LYPD6B: variants seen among roughly 807,000 people sequenced by gnomAD.
LYPD6B encodes ly6/PLAUR domain-containing protein 6B.
LYPD6B carries 17 observed loss-of-function variants against 22.8 expected under a neutral mutation model. That is an observed-to-expected ratio of 0.75 (90% CI 0.51 to 1.12). LYPD6B has a LOEUF of 1.12. Among genes scored for constraint, LYPD6B ranks in the 50% most tolerant of loss-of-function variants. LYPD6B has a pLI of 0.00. For synonymous variants in LYPD6B, 106 were observed against 91.6 expected (o/e 1.16, Z -0.90); for missense variants, 221 against 258.3 (o/e 0.86, Z 0.99).
intron 1 of LYPD6B, among the ~76,000 whole-genome samples, chr2:149,125,437 G>A (rs1687645145): frequency 6.6e-6 from 1 of 152,156 alleles, no homozygotes; most frequent in Non-Finnish European, 1.5e-5. Context: ...AGGGGCCATG[G>A]AATTCTCTGG....
chr2:149,071,699 A>G (rs2105358733), intron 1 of LYPD6B, among the ~76,000 whole-genome samples: 1 of 152,322 alleles, frequency 6.6e-6, no homozygotes, highest in East Asian at 1.9e-4. Flanking sequence ...TAGTAGTCCA[A>G]CGAGGCAGGC....
chr2:149,059,235 G>C (rs1436912079), intron 1 of LYPD6B, among the ~76,000 whole-genome samples: 3 of 152,222 alleles, frequency 2.0e-5, no homozygotes, highest in Non-Finnish European at 4.4e-5. Flanking sequence ...TCTGTTCCCT[G>C]TCATGGGAAT....
At chr2:149,046,860 A>G (rs1051109112) in intron 1 of LYPD6B, among the ~76,000 whole-genome samples, 7 of 152,154 alleles carry the variant, frequency 4.6e-5, no homozygotes, top group African/African-American at 1.7e-4. Context: ...TTTTTGCTTT[A>G]GACCAGGGGT....
At chr2:149,183,081 C>T (rs1160054197) in intron 3 of LYPD6B, among the ~76,000 whole-genome samples, 1 of 152,032 alleles carries the variant, frequency 6.6e-6, no homozygotes, top group African/African-American at 2.4e-5. Context: ...TTCTGGGTAC[C>T]ACTTAATACA....
chr2:149,168,353 C>CA (rs1159974205), intron 3 of LYPD6B, among the ~76,000 whole-genome samples: 3 of 152,122 alleles, frequency 2.0e-5, no homozygotes, highest in Non-Finnish European at 4.4e-5. Context: ...TCCACAGTAG[C>CA]AGCCACTTTA....
At chr2:149,102,282 A>G (rs1686251063) in intron 1 of LYPD6B, among the ~76,000 whole-genome samples, 1 of 152,234 alleles carries the variant, frequency 6.6e-6, no homozygotes, top group Admixed American at 6.5e-5. Flanking sequence ...CTACTGGCAC[A>G]GCTGAATTTA....
chr2:149,109,991 A>G (rs1003586993), intron 1 of LYPD6B, among the ~76,000 whole-genome samples: 1 of 152,126 alleles, frequency 6.6e-6, no homozygotes, highest in African/African-American at 2.4e-5. Flanking sequence ...GATTACAGGC[A>G]TGAGCCACCG....
chr2:149,053,510 C>T (rs1227977723), intron 1 of LYPD6B, among the ~76,000 whole-genome samples: 1 of 152,134 alleles, frequency 6.6e-6, no homozygotes, highest in East Asian at 1.9e-4. Flanking sequence ...ACCTCTCTTC[C>T]AAGAAGTTCT....
rs1457088690 is a variant in LYPD6B at position 149,038,705 on chromosome 2, CGGTA to C, written c.-161_-158del. 5.3e-5 allele frequency: 8 copies of C among 151,618 alleles called. No homozygotes were observed. 9.4% of individuals were successfully genotyped at this position (151,618 alleles called of 1,614,324 possible). A position where few individuals can be genotyped will look rare whatever the true frequency, so the allele number is the denominator to read the frequency against. On this transcript the variant is annotated 5_prime_UTR_variant, in exon 1 of 7. Transcript: ENST00000409642. ...GGGAGGAGCCGCGCCCCGCCCCGCG[CGGTA>C]GCAGCCAACGCCGGCCCCAGGCGGG...
intron 3 of LYPD6B, among the ~76,000 whole-genome samples, chr2:149,181,003 T>G (rs1013066847): frequency 6.6e-6 from 1 of 152,220 alleles, no homozygotes; most frequent in Non-Finnish European, 1.5e-5. Flanking sequence ...TCAGATGTGT[T>G]AAGCTATGGA....
chr2:149,174,019 C>T (rs59132227), intron 3 of LYPD6B, among the ~76,000 whole-genome samples: 47,867 of 152,074 alleles, frequency 0.31, 8,204 homozygotes, highest in Non-Finnish European at 0.37. Context: ...TGCCTCCTTT[C>T]CATGACCATG....
chr2:149,085,611 G>T (rs1213112338), intron 1 of LYPD6B, among the ~76,000 whole-genome samples: 1 of 152,210 alleles, frequency 6.6e-6, no homozygotes, highest in African/African-American at 2.4e-5. Context: ...CAAGCTTAAA[G>T]ACTGGAATGT....
chr2:149,109,549 T>G (rs1226253981), intron 1 of LYPD6B, among the ~76,000 whole-genome samples: 3 of 152,128 alleles, frequency 2.0e-5, no homozygotes, highest in Non-Finnish European at 2.9e-5. Flanking sequence ...AATCTGTAAG[T>G]TTATAATATT....
intron 5 of LYPD6B, among the ~76,000 whole-genome samples, chr2:149,210,641 T>C (rs977771890): frequency 4.6e-5 from 7 of 152,260 alleles, no homozygotes; most frequent in African/African-American, 1.7e-4. Flanking sequence ...AGAAGTCTTC[T>C]GTGTAACAGG....
At chr2:149,180,174 A>G (rs1037188704) in intron 3 of LYPD6B, among the ~76,000 whole-genome samples, 2 of 152,246 alleles carry the variant, frequency 1.3e-5, no homozygotes, top group Non-Finnish European at 2.9e-5. Flanking sequence ...GGTATGCCTT[A>G]TGTGAAAAGG....
rs34538721 is a variant in LYPD6B at position 149,040,203 on chromosome 2, GTCTCTC to G, written c.-67+1416_-67+1421del. Among the ~76,000 whole-genome samples the G allele has an allele frequency of 2.0e-3, 287 of 143,912 alleles. 40 individuals are homozygous for G. Among genetic ancestry groups the G allele is most frequent in the Middle Eastern group, 7.2e-3 (2 of 276 alleles). The allele number at this position is 143,912 out of a possible 152,430, so 94.4% of individuals were successfully genotyped here. A position where few individuals can be genotyped will look rare whatever the true frequency, so the allele number is the denominator to read the frequency against. On this transcript the variant is annotated intron_variant, in intron 1 of 6. Transcript: ENST00000409642. ...TCTATCCGTATAGCAGTCTCTCTCT[GTCTCTC>G]TCTCTCTCTCTCTTTTTTTTTTTTT...
intron 1 of LYPD6B, among the ~76,000 whole-genome samples, chr2:149,086,920 A>G (rs1255026928): frequency 1.3e-5 from 2 of 152,106 alleles, no homozygotes; most frequent in African/African-American, 2.4e-5. Flanking sequence ...GATATCCGCC[A>G]TCTTGCATTA....
chr2:149,203,798 G>A (rs1477869574), intron 3 of LYPD6B, among the ~76,000 whole-genome samples: 1 of 152,122 alleles, frequency 6.6e-6, no homozygotes, highest in Non-Finnish European at 1.5e-5. Flanking sequence ...AAACACCATC[G>A]ATAGGGATGA....
chr2:149,060,039 G>C (rs1289280495), intron 1 of LYPD6B, among the ~76,000 whole-genome samples: 1 of 152,078 alleles, frequency 6.6e-6, no homozygotes, highest in African/African-American at 2.4e-5. Flanking sequence ...AGGAGGAGGA[G>C]GGGGCAGGAG....
Sources: gnomAD v4.1 joint callset for allele counts (sites outside exome capture counted in the v4.1 genomes callset) on GRCh38, gnomAD v4.1.1 for gene constraint, MANE v1.5 for transcripts, NCBI Gene and HGNC (gene_info 2026-07-23, HGNC 2026-07-21) for gene names.